KIF2A: variants seen among roughly 807,000 people sequenced by gnomAD.
KIF2A encodes kinesin-like protein KIF2A.
In KIF2A, 22 loss-of-function variants were observed where a neutral mutation model predicts 100.2. That is an observed-to-expected ratio of 0.22 (90% CI 0.16 to 0.31). The LOEUF is 0.31. Ranked by LOEUF, KIF2A falls within the 10% of genes least tolerant of loss-of-function variation. The probability of loss-of-function intolerance (pLI) is 1.00; values close to 1 mark genes in which losing one functional copy is unlikely to be tolerated. For missense variants in KIF2A, 495 were observed against 898.7 expected (o/e 0.55, Z 5.74); for synonymous variants, 268 against 285.9 (o/e 0.94, Z 0.63).
At chr5:62,377,616 A>G in intron 18 of KIF2A, 45 bp from the exon 19 acceptor site, 1 of 1,074,142 alleles carries the variant, frequency 9.3e-7, no homozygotes, top group South Asian at 1.8e-5. Flanking sequence ...TATAACATTT[A>G]AAATACACAC....
At chr5:62,327,545 A>AT (rs1260684159) in intron 1 of KIF2A, among the ~76,000 whole-genome samples, 1 of 152,206 alleles carries the variant, frequency 6.6e-6, no homozygotes, top group African/African-American at 2.4e-5. Context: ...AGCCTACTTC[A>AT]TATCTCCACT....
intron 1 of KIF2A, among the ~76,000 whole-genome samples, chr5:62,335,529 G>A (rs896145655): frequency 6.6e-6 from 1 of 152,144 alleles, no homozygotes; most frequent in African/African-American, 2.4e-5. Flanking sequence ...TGGGCCTGGA[G>A]GAGCTCAAGG....
rs754348400 is a variant in KIF2A, at chr5:62,363,263, G to A, written c.1205G>A (p.Arg402Gln). 2 of 1,613,610 alleles carry A rather than the reference G, an allele frequency of 1.2e-6. No homozygotes were observed. Among genetic ancestry groups the A allele is most frequent in the Middle Eastern group, 1.6e-4 (1 of 6,062 alleles). ...GTTCAAGTGGTGGGATTACAGGAACGGGAGGTCAAATGTGTTGAAGATGTA... is the reference window on the plus strand; with the variant it reads ...GTTCAAGTGGTGGGATTACAGGAACAGGAGGTCAAATGTGTTGAAGATGTA... ...QQVQVVGLQE[R>Q]EVKCVEDVLK... Residue 402 changes from arginine to glutamine, a missense_variant, in exon 13 of 21, where the codon CGG (arginine) becomes CAG (glutamine). Transcript: ENST00000407818.
At chr5:62,325,776 C>A (rs1746344072) in intron 1 of KIF2A, among the ~76,000 whole-genome samples, 1 of 152,194 alleles carries the variant, frequency 6.6e-6, no homozygotes, top group African/African-American at 2.4e-5. Context: ...CCAACAATCC[C>A]ACTACCGGGT....
At chr5:62,352,753 C>CATGCCTAA in intron 5 of KIF2A, 43 bp downstream of exon 5, 1 of 1,540,880 alleles carries the variant, frequency 6.5e-7, no homozygotes, top group Middle Eastern at 1.7e-4. Context: ...TTTAGGCATA[C>CATGCCTAA]ATGTATTCTC....
Position 62,385,530 on chromosome 5 carries a change from C to T in KIF2A, c.2196C>T (p.Ala732=), listed in dbSNP as rs1170183381. The change falls in exon 21 of 21, where the codon GCC becomes GCT. Residue 732 remains alanine, a synonymous_variant. Coordinates refer to ENST00000407818, the MANE Select transcript of KIF2A (RefSeq NM_001098511.3). ...CAGCTCTACAAGAGGAGGAACAAGCCAGCAAGCAAATCAACCCGAAGAGAC... is the reference window on the plus strand; with the variant it reads ...CAGCTCTACAAGAGGAGGAACAAGCTAGCAAGCAAATCAACCCGAAGAGAC... The part of the protein sequence containing the change: ...FRAALQEEEQ[A]SKQINPKRPR... 2.5e-6 allele frequency: 4 copies of T among 1,595,942 alleles called. No individual in the cohort carries two copies. The highest frequency in any genetic ancestry group is 2.6e-6 in the Non-Finnish European group (3 of 1,170,918).
intron 1 of KIF2A, among the ~76,000 whole-genome samples, chr5:62,313,954 G>T (rs1200853244): frequency 2.6e-5 from 4 of 151,812 alleles, no homozygotes; most frequent in African/African-American, 9.7e-5. Context: ...ACCATGCCTA[G>T]CTAATTTTTG....
At chr5:62,348,720 C>T (rs1236191542) in intron 3 of KIF2A, among the ~76,000 whole-genome samples, 4 of 152,200 alleles carry the variant, frequency 2.6e-5, no homozygotes, top group Admixed American at 6.5e-5. Flanking sequence ...TCCTTCCTTT[C>T]TCTCAAGACC....
intron 1 of KIF2A, among the ~76,000 whole-genome samples, chr5:62,328,152 A>G (rs574738640): frequency 3.3e-5 from 5 of 152,334 alleles, no homozygotes; most frequent in African/African-American, 9.6e-5. Context: ...TAAATAGGAA[A>G]TCTTGTATTC....
Position 62,389,850 on chromosome 5 carries a change from A to G in KIF2A, c.*4281A>G, listed in dbSNP as rs1742218635. On this transcript the variant is annotated 3_prime_UTR_variant, in exon 21 of 21. Transcript: ENST00000407818. ...TGCACATGCCCAATAACTTTGAGGA[A>G]ATTTAGTGAAAATGAAGAAAAAGAG... Among the ~76,000 whole-genome samples the G allele has an allele frequency of 6.6e-6, 1 of 152,234 alleles. No homozygotes were observed. Among genetic ancestry groups the G allele is most frequent in the Non-Finnish European group, 1.5e-5 (1 of 68,046 alleles).
chr5:62,378,289 G>C (rs1741629137), intron 19 of KIF2A, among the ~76,000 whole-genome samples: 1 of 152,124 alleles, frequency 6.6e-6, no homozygotes, highest in Non-Finnish European at 1.5e-5. Flanking sequence ...CCTGTTAAAA[G>C]TATTTACTAT....
intron 19 of KIF2A, among the ~76,000 whole-genome samples, chr5:62,378,974 TA>T (rs1304532420): frequency 6.6e-6 from 1 of 151,984 alleles, no homozygotes; most frequent in Non-Finnish European, 1.5e-5. Flanking sequence ...CCAAGGTGTT[TA>T]AGTAGAGAAC....
chr5:62,383,692 CTTTA>C (rs1008426993), intron 20 of KIF2A, among the ~76,000 whole-genome samples: 1 of 152,070 alleles, frequency 6.6e-6, no homozygotes, highest in African/African-American at 2.4e-5. Context: ...ATATTCAACC[CTTTA>C]TTTAAATTGT....
At chr5:62,352,054 TGAGGCA>T (rs1421337137) in intron 4 of KIF2A, among the ~76,000 whole-genome samples, 1 of 150,608 alleles carries the variant, frequency 6.6e-6, no homozygotes, top group African/African-American at 2.4e-5. Flanking sequence ...CTCGGGAGGC[TGAGGCA>T]GGAGATCACT....
chr5:62,350,740 C>T (rs1316973588), intron 4 of KIF2A, among the ~76,000 whole-genome samples: 1 of 151,632 alleles, frequency 6.6e-6, no homozygotes, highest in Non-Finnish European at 1.5e-5. Context: ...GGTGAAACCC[C>T]GTCTCTACTA....
chr5:62,384,202 T>G (rs1329646010), intron 20 of KIF2A, among the ~76,000 whole-genome samples: 1 of 152,046 alleles, frequency 6.6e-6, no homozygotes, highest in Non-Finnish European at 1.5e-5. Context: ...TGAGCCGAGA[T>G]CACGCCACTG....
In KIF2A at chr5:62,362,439, AT is replaced by A; in HGVS notation, c.1028-6del. ...TGGATCTCAATTTTCTGTATATGAA[AT>A]TTTTGACAGCTCGAGATGTCTTTTT... On this transcript the variant is annotated splice_polypyrimidine_tract_variant and intron_variant, in intron 11 of 20. Coordinates refer to ENST00000407818, the MANE Select transcript of KIF2A (RefSeq NM_001098511.3). 2.9e-6 allele frequency: 4 copies of A among 1,360,802 alleles called. No individual in the cohort carries two copies. Among genetic ancestry groups the A allele is most frequent in the Admixed American group, 3.5e-5 (1 of 28,790 alleles). The allele number at this position is 1,360,802 out of a possible 1,614,324, so 84.3% of individuals were successfully genotyped here.
At chr5:62,349,727 T>C (rs748121403) in intron 3 of KIF2A, among the ~76,000 whole-genome samples, 3 of 152,152 alleles carry the variant, frequency 2.0e-5, no homozygotes, top group Non-Finnish European at 4.4e-5. Context: ...AAAACACATA[T>C]TATTGTGAAG....
chr5:62,320,057 A>G (rs913731149), intron 1 of KIF2A, among the ~76,000 whole-genome samples: 1 of 152,092 alleles, frequency 6.6e-6, no homozygotes, highest in Non-Finnish European at 1.5e-5. Flanking sequence ...CTCTATCTAC[A>G]TGTAGTATAA....
Sources: allele counts gnomAD v4.1 joint callset (sites outside exome capture counted in the v4.1 genomes callset), GRCh38; gene constraint gnomAD v4.1.1; transcripts MANE v1.5; gene names NCBI Gene and HGNC (gene_info 2026-07-23, HGNC 2026-07-21).